The following MANBAL variants were observed in gnomAD, a reference collection of about 807,000 sequenced individuals.
MANBAL encodes the protein protein MANBAL.
In MANBAL, 1 loss-of-function variant was observed where a neutral mutation model predicts 6.4. That is an observed-to-expected ratio of 0.16 (90% CI 0.06 to 0.74). The LOEUF (loss-of-function observed/expected upper bound fraction) is 0.74. Ranked by LOEUF, MANBAL falls within the 30% of genes least tolerant of loss-of-function variation. MANBAL has a pLI of 0.78. For missense variants in MANBAL, 100 were observed against 107.8 expected, an observed-to-expected ratio of 0.93 and a Z score of 0.32; for synonymous variants, 47 against 45.8, an observed-to-expected ratio of 1.03 and a Z score of -0.10.
intron 1 of MANBAL, chr20:37,296,778 A>C (rs1010236773): frequency 6.6e-6 from 1 of 152,180 alleles, no homozygotes; most frequent in African/African-American, 2.4e-5. Context: ...CATTTTTTAA[A>C]AAAAGGCCTA....
At chr20:37,304,259 G>T (rs7269774) in intron 2 of MANBAL, among the ~76,000 whole-genome samples, 9 of 151,924 alleles carry the variant, frequency 5.9e-5, no homozygotes, top group African/African-American at 2.2e-4. Flanking sequence ...GCTTCAATCT[G>T]TTTTTAATTT....
At chr20:37,303,996 A>G (rs1245487050) in intron 2 of MANBAL, among the ~76,000 whole-genome samples, 1 of 152,226 alleles carries the variant, frequency 6.6e-6, no homozygotes, top group Non-Finnish European at 1.5e-5. Flanking sequence ...TCAAGGGCCA[A>G]CCTTGCAAGC....
At chr20:37,300,289 T>TG (rs2069104385) in intron 1 of MANBAL, among the ~76,000 whole-genome samples, 1 of 152,212 alleles carries the variant, frequency 6.6e-6, no homozygotes, top group Non-Finnish European at 1.5e-5. Flanking sequence ...CCTCCACACT[T>TG]GCTTTTTTCC....
chr20:37,313,785 A>G (rs558825736), intron 2 of MANBAL, among the ~76,000 whole-genome samples: 30 of 152,286 alleles, frequency 2.0e-4, no homozygotes, highest in African/African-American at 7.2e-4. Flanking sequence ...AGCTGGAAGG[A>G]GGAGCAGGGA....
intron 2 of MANBAL, among the ~76,000 whole-genome samples, chr20:37,314,802 C>T (rs2069466589): frequency 1.3e-5 from 2 of 152,192 alleles, no homozygotes; most frequent in African/African-American, 4.8e-5. Flanking sequence ...AGGGAGCTGA[C>T]AGGCCTCTGG....
At chr20:37,312,749 G>A (rs542521329) in intron 2 of MANBAL, among the ~76,000 whole-genome samples, 1 of 152,180 alleles carries the variant, frequency 6.6e-6, no homozygotes, top group Non-Finnish European at 1.5e-5. Flanking sequence ...GGGCTTTAGT[G>A]ATCCTCCTGT....
intron 2 of MANBAL, among the ~76,000 whole-genome samples, chr20:37,307,699 G>C (rs1211646820): frequency 6.6e-6 from 1 of 151,756 alleles, no homozygotes; most frequent in Non-Finnish European, 1.5e-5. Flanking sequence ...GGAGGTTGCA[G>C]TGAGCTGAGA....
chr20:37,315,435 CT>C (rs2069487922), intron 2 of MANBAL, among the ~76,000 whole-genome samples: 2 of 152,198 alleles, frequency 1.3e-5, no homozygotes, highest in South Asian at 4.1e-4. Flanking sequence ...AGATACTTCT[CT>C]GACATGAGCC....
intron 2 of MANBAL, among the ~76,000 whole-genome samples, chr20:37,309,416 C>T (rs1344840000): frequency 6.6e-6 from 1 of 152,160 alleles, no homozygotes; most frequent in Non-Finnish European, 1.5e-5. Context: ...ACTCTTGTGA[C>T]CCCAGTGACT....
chr20:37,301,478 A>G (rs1811709985), intron 2 of MANBAL, 65 bp downstream of exon 2: 4 of 1,535,856 alleles, frequency 2.6e-6, no homozygotes, highest in Non-Finnish European at 3.5e-6. Context: ...TACTAACAGT[A>G]GGTGCCACCA....
At chr20:37,309,148 A>G (rs188889376) in intron 2 of MANBAL, among the ~76,000 whole-genome samples, 4 of 151,682 alleles carry the variant, frequency 2.6e-5, no homozygotes, top group Non-Finnish European at 4.4e-5. Context: ...CCAGGGCTTC[A>G]TGTGTCTCTC....
chr20:37,312,124 G>A (rs1051482443), intron 2 of MANBAL, among the ~76,000 whole-genome samples: 1 of 152,182 alleles, frequency 6.6e-6, no homozygotes, highest in African/African-American at 2.4e-5. Context: ...GTGAGGAGGA[G>A]ACAGATCAAG....
chr20:37,316,346 G>C lies in MANBAL; in HGVS notation c.189G>C (p.Thr63=). Residue 63 remains threonine (T), a synonymous_variant, in exon 3 of 3, where the codon ACG becomes ACC. Transcript: ENST00000373606. ...CTGAGCCCAGAAGTGCTGAGGTGAC[G>C]AGGAAGCCCAAGGCTGCTGTTCCTT... ...EPSEPRSAEV[T]RKPKAAVPSV... The C allele has an allele frequency of 6.2e-7, 1 of 1,613,862 alleles. No homozygotes were observed. Among genetic ancestry groups the C allele is most frequent in the Non-Finnish European group, 8.5e-7 (1 of 1,179,882 alleles).
At chr20:37,291,443 T>C (rs972645080) in intron 1 of MANBAL, among the ~76,000 whole-genome samples, 2 of 152,254 alleles carry the variant, frequency 1.3e-5, no homozygotes, top group Non-Finnish European at 1.5e-5. Context: ...AGGCTCATCA[T>C]CTCTGTGATC....
chr20:37,307,257 T>C (rs1189513425), intron 2 of MANBAL, among the ~76,000 whole-genome samples: 1 of 152,206 alleles, frequency 6.6e-6, no homozygotes, highest in Non-Finnish European at 1.5e-5. Context: ...TGAGCCAGTG[T>C]GCCCGGCTTG....
intron 1 of MANBAL, among the ~76,000 whole-genome samples, chr20:37,292,753 G>C (rs549646723): frequency 1.3e-5 from 2 of 152,164 alleles, no homozygotes; most frequent in African/African-American, 4.8e-5. Flanking sequence ...CCCTCTATAT[G>C]TTTTGCTTTG....
In MANBAL at chr20:37,290,708, C is replaced by T. The variant is rs143638464; in HGVS notation, c.-57+1022C>T. ...TCCCGACCTCAGGTGATCCACCCGC[C>T]TCGGCCTCCCAGAGTGTTGGGATTA... On this transcript the variant is annotated intron_variant, in intron 1 of 2. Coordinates refer to ENST00000373606, the MANE Select transcript of MANBAL (RefSeq NM_001003897.2). Among the ~76,000 whole-genome samples, 275 of 152,320 alleles carry T rather than the reference C, an allele frequency of 1.8e-3. 1 individual carries two copies. The highest frequency in any genetic ancestry group is 6.4e-3 in the African/African-American group (264 of 41,572).
chr20:37,303,934 T>C (rs1226899680), intron 2 of MANBAL, among the ~76,000 whole-genome samples: 2 of 152,220 alleles, frequency 1.3e-5, no homozygotes, highest in Admixed American at 1.3e-4. Context: ...GCCACTCTTA[T>C]CATTTCTGGG....
Position 37,302,299 on chromosome 20 carries a change from G to A in MANBAL, c.150+886G>A, listed in dbSNP as rs1305402650. 3 of 1,550,474 alleles carry A rather than the reference G, an allele frequency of 1.9e-6. No homozygotes were observed. The African/African-American group carries it at 4.1e-5, about 21-fold the overall frequency. ...CAACAGGAGTTCCATGTAGAGGCCTGATTCCATTCCAGTCAGGTTATTGGG... is the reference window on the plus strand; with the variant it reads ...CAACAGGAGTTCCATGTAGAGGCCTAATTCCATTCCAGTCAGGTTATTGGG... On this transcript the variant is annotated intron_variant, in intron 2 of 2. Coordinates refer to ENST00000373606, the MANE Select transcript of MANBAL (RefSeq NM_001003897.2).
Sources: gnomAD v4.1 joint callset for allele counts (sites outside exome capture counted in the v4.1 genomes callset) on GRCh38, gnomAD v4.1.1 for gene constraint, MANE v1.5 for transcripts, NCBI Gene and HGNC (gene_info 2026-07-23, HGNC 2026-07-21) for gene names.